Variants in YAF2 observed in about 807,000 individuals in gnomAD.
YAF2 encodes the protein YY1-associated factor 2.
Under a neutral mutation model 20.1 loss-of-function variants are expected in YAF2, and 7 were observed. The ratio of observed to expected loss-of-function variants is 0.35; its 90% confidence interval spans 0.20 to 0.65. YAF2 has a LOEUF of 0.65. Ranked by LOEUF, YAF2 falls within the 30% of genes least tolerant of loss-of-function variation. YAF2 has a pLI of 0.69. For missense variants in YAF2, 151 were observed against 219.2 expected (o/e 0.69, Z 1.96); for synonymous variants, 74 against 76.0 (o/e 0.97, Z 0.14).
rs866032690 is a variant in YAF2, at chr12:42,161,719, G to T, written c.199C>A (p.Gln67Lys). ...TTTGACTGTGTAGGAGGCACAAACTGCTGAGTAACCTGCTGTGCAACCAAC... is the reference window on the plus strand; with the variant it reads ...TTTGACTGTGTAGGAGGCACAAACTTCTGAGTAACCTGCTGTGCAACCAAC... ...SQLVAQQVTQ[Q>K]FVPPTQSKKE... The change falls in exon 3 of 4, where the codon CAG (glutamine) becomes AAG (lysine). Residue 67 changes from glutamine to lysine, a missense_variant. Physicochemically the swap from Gln to Lys is moderately conservative, Grantham distance 53 (BLOSUM62 1). Transcript: ENST00000534854. 3 of 1,609,328 alleles carry T rather than the reference G, an allele frequency of 1.9e-6. No individual in the cohort carries two copies. Among genetic ancestry groups the T allele is most frequent in the Non-Finnish European group, 2.5e-6 (3 of 1,178,924 alleles).
chr12:42,214,742 T>C (rs919991568), intron 2 of YAF2, among the ~76,000 whole-genome samples: 1 of 151,816 alleles, frequency 6.6e-6, no homozygotes, highest in South Asian at 2.1e-4. Context: ...AGTGGCTCAC[T>C]CCTGTAATTC....
In YAF2 at chr12:42,161,767, T is replaced by A; in HGVS notation, c.153-2A>T. The A allele has an allele frequency of 6.3e-7, 1 of 1,593,800 alleles. No homozygotes were observed. The highest frequency in any genetic ancestry group is 8.5e-7 in the Non-Finnish European group (1 of 1,175,096). On this transcript the variant is annotated splice_acceptor_variant, in intron 2 of 3. Coordinates refer to ENST00000534854, the MANE Select transcript of YAF2 (RefSeq NM_005748.6). LOFTEE classifies it high-confidence loss of function. The stretch of plus-strand genomic sequence containing the variant: ...AACTGGGAGACAGGTCGAGGTTTCC[T>A]GTGTGCATGTTAAAAAGAAAGGTAT...
intron 2 of YAF2, among the ~76,000 whole-genome samples, chr12:42,183,828 C>T (rs1314284170): frequency 6.6e-6 from 1 of 152,212 alleles, no homozygotes; most frequent in African/African-American, 2.4e-5. Context: ...CTAGGACTTT[C>T]AGAGCTAGAG....
Position 42,166,913 on chromosome 12 carries a change from A to AT in YAF2, c.153-5149dup, listed in dbSNP as rs201752166. Among the ~76,000 whole-genome samples, 60 of 149,842 alleles carry AT rather than the reference A, an allele frequency of 4.0e-4. 1 individual carries two copies. The East Asian group carries it at 9.5e-3, about 24-fold the overall frequency. On this transcript the variant is annotated intron_variant, in intron 2 of 3. Transcript: ENST00000534854. Reference sequence around the variant, plus strand: ...TTCTGGGAAGATGATAAAACACTGGATTTTTTTTTCAAAATTGCACTATCC... The same window carrying AT: ...TTCTGGGAAGATGATAAAACACTGGATTTTTTTTTTCAAAATTGCACTATCC...
At chr12:42,178,048 C>T (rs2066243154) in intron 2 of YAF2, among the ~76,000 whole-genome samples, 1 of 152,142 alleles carries the variant, frequency 6.6e-6, no homozygotes, top group African/African-American at 2.4e-5. Context: ...TTTTCCTCTT[C>T]TATTTTGTTC....
chr12:42,197,391 G>C (rs1046721906), intron 2 of YAF2, among the ~76,000 whole-genome samples: 1 of 152,232 alleles, frequency 6.6e-6, no homozygotes, highest in Non-Finnish European at 1.5e-5. Flanking sequence ...CAGTGGATGG[G>C]AGAATAAGAA....
chr12:42,177,329 A>C (rs1001521816), intron 2 of YAF2, among the ~76,000 whole-genome samples: 1 of 152,152 alleles, frequency 6.6e-6, no homozygotes, highest in Admixed American at 6.5e-5. Flanking sequence ...ATTTTCTCAC[A>C]GTTCTGGAGG....
chr12:42,199,091 A>C (rs1465805280), intron 2 of YAF2: 2 of 1,102,180 alleles, frequency 1.8e-6, no homozygotes, highest in Non-Finnish European at 2.4e-6. Flanking sequence ...TCTTGGGTAC[A>C]TCTTCAACAA....
At chr12:42,190,123 A>G (rs2066575956) in intron 2 of YAF2, among the ~76,000 whole-genome samples, 2 of 152,196 alleles carry the variant, frequency 1.3e-5, no homozygotes, top group Non-Finnish European at 2.9e-5. Flanking sequence ...CCAAAGGATT[A>G]CTTGAAGCCA....
chr12:42,211,134 G>T (rs1039254856), intron 2 of YAF2, among the ~76,000 whole-genome samples: 3 of 152,008 alleles, frequency 2.0e-5, no homozygotes, highest in African/African-American at 7.2e-5. Flanking sequence ...TATCACTCAA[G>T]TCTTTAACCA....
intron 2 of YAF2, among the ~76,000 whole-genome samples, chr12:42,184,737 T>C (rs2066428024): frequency 6.6e-6 from 1 of 152,180 alleles, no homozygotes; most frequent in African/African-American, 2.4e-5. Flanking sequence ...TAGATGTCAT[T>C]AAGAACATTT....
At chr12:42,227,680 C>T (rs532259227) in intron 2 of YAF2, among the ~76,000 whole-genome samples, 176 of 150,244 alleles carry the variant, frequency 1.2e-3, no homozygotes, top group African/African-American at 3.9e-3. Context: ...CCTCTCCGCC[C>T]GGCAGCCACC....
In YAF2 at chr12:42,234,192, GAGAAA is replaced by G. The variant is rs67374165; in HGVS notation, c.152+3402_152+3406del. 0.02 allele frequency: 18,320 copies of G among 911,698 alleles called. 792 individuals are homozygous for G. In the East Asian group the frequency reaches 0.22, roughly 11 times the overall value. The allele number at this position is 911,698 out of a possible 1,614,324, so 56.5% of individuals were successfully genotyped here. ...TCAAATTCTGCCTCAAAAAAAAAAA[GAGAAA>G]AGAAAAGAAAAGAAAAGAAAAGAAA... On this transcript the variant is annotated intron_variant, in intron 2 of 3. Coordinates refer to ENST00000534854, the MANE Select transcript of YAF2 (RefSeq NM_005748.6).
intron 2 of YAF2, among the ~76,000 whole-genome samples, chr12:42,213,689 G>T (rs749472888): frequency 6.6e-6 from 1 of 152,028 alleles, no homozygotes; most frequent in Non-Finnish European, 1.5e-5. Context: ...AAATCATTCT[G>T]CTTTAACATA....
intron 2 of YAF2, among the ~76,000 whole-genome samples, chr12:42,162,306 G>A (rs12322316): frequency 0.015 from 2,296 of 152,134 alleles, 55 homozygotes; most frequent in African/African-American, 0.053. Context: ...ATGCTCTTTT[G>A]ACCCTGGAGA....
At chr12:42,228,118 C>T (rs2067812320) in intron 2 of YAF2, among the ~76,000 whole-genome samples, 2 of 77,956 alleles carry the variant, frequency 2.6e-5, no homozygotes, top group South Asian at 6.2e-4. Context: ...CCCCTCTGCC[C>T]GGCCAGCCGC....
At chr12:42,196,228 A>G (rs922156501) in intron 2 of YAF2, among the ~76,000 whole-genome samples, 6 of 40,234 alleles carry the variant, frequency 1.5e-4, no homozygotes, top group South Asian at 6.0e-4. Context: ...ATCCATCTGG[A>G]AAAAAAAAAA....
chr12:42,233,497 A>T (rs2068042470), intron 2 of YAF2: 2 of 981,964 alleles, frequency 2.0e-6, no homozygotes, highest in Non-Finnish European at 1.2e-6. Flanking sequence ...TTAATATTTC[A>T]TTTTCTCTGA....
At chr12:42,194,098 A>G (rs1188059492) in intron 2 of YAF2, among the ~76,000 whole-genome samples, 1 of 152,276 alleles carries the variant, frequency 6.6e-6, no homozygotes, top group Admixed American at 6.5e-5. Context: ...ACTACAAAAG[A>G]GTGAAAACAT....
Sources: allele counts gnomAD v4.1 joint callset (sites outside exome capture counted in the v4.1 genomes callset), GRCh38; gene constraint gnomAD v4.1.1; transcripts MANE v1.5; gene names NCBI Gene and HGNC (gene_info 2026-07-23, HGNC 2026-07-21).